The following ST8SIA6 variants were observed in gnomAD, a reference collection of about 807,000 sequenced individuals.
The protein encoded by ST8SIA6 is ST8 alpha-N-acetyl-neuraminide alpha-2,8-sialyltransferase 6.
ST8SIA6 carries 39 observed loss-of-function variants against 33.6 expected under a neutral mutation model. The ratio of observed to expected loss-of-function variants is 1.16; its 90% CI spans 0.90 to 1.52. The LOEUF is 1.52. Ranked by LOEUF, ST8SIA6 falls within the 40% of genes most tolerant of loss-of-function variation. ST8SIA6 has a pLI of 0.00. For missense variants in ST8SIA6, 441 were observed against 443.8 expected, an observed-to-expected ratio of 0.99 and a Z score of 0.06; for synonymous variants, 172 against 167.2, an observed-to-expected ratio of 1.03 and a Z score of -0.22.
At position 17,357,229 on chromosome 10, in the gene ST8SIA6, G is replaced by A. The variant is rs149590282; in HGVS notation, c.377+2285C>T. On this transcript the variant is annotated intron_variant, in intron 4 of 7. Transcript: ENST00000377602. ...CAACCTCTGCCTCCTGAGTTCAAGC[G>A]ATTCTCCTGCCTCAGCCTCCTGAGT... Among the ~76,000 whole-genome samples the A allele has an allele frequency of 1.6e-4, 25 of 151,724 alleles. 1 individual carries two copies. In the East Asian group the frequency reaches 4.5e-3, roughly 27 times the overall value.
intron 2 of ST8SIA6, chr10:17,403,502 A>G (rs1851128530): frequency 1.3e-5 from 2 of 152,026 alleles, no homozygotes; most frequent in Non-Finnish European, 2.9e-5. Context: ...ATATTCTCTT[A>G]CTCTAGGCTG....
chr10:17,422,913 T>G (rs1851822381), intron 2 of ST8SIA6, among the ~76,000 whole-genome samples: 1 of 152,226 alleles, frequency 6.6e-6, no homozygotes, highest in African/African-American at 2.4e-5. Context: ...TAGAAATTAT[T>G]GAACAATACG....
chr10:17,324,819 A>T (rs888399305), intron 6 of ST8SIA6, among the ~76,000 whole-genome samples: 2 of 147,148 alleles, frequency 1.4e-5, no homozygotes, highest in South Asian at 4.2e-4. Context: ...ACATGCATAC[A>T]TATTATAGAT....
intron 4 of ST8SIA6, among the ~76,000 whole-genome samples, chr10:17,345,404 C>G (rs1009676084): frequency 2.6e-5 from 4 of 152,150 alleles, no homozygotes; most frequent in African/African-American, 9.7e-5. Flanking sequence ...GTCAAGAGCA[C>G]GTTGGAAGGT....
chr10:17,371,468 AC>A (rs1188735864), intron 3 of ST8SIA6, among the ~76,000 whole-genome samples: 1 of 151,882 alleles, frequency 6.6e-6, no homozygotes, highest in Non-Finnish European at 1.5e-5. Flanking sequence ...AAATAAGGAG[AC>A]GTGAGAAGGA....
In ST8SIA6 at chr10:17,383,129, T is replaced by C. The variant is rs142015139; in HGVS notation, c.290+7402A>G. On this transcript the variant is annotated intron_variant, in intron 3 of 7. Transcript: ENST00000377602. ...CACAAAGAATGAAGGTTTTCACTTT[T>C]TTTTTTTAATACTTGAATTATCACT... 9.1e-4 allele frequency among the ~76,000 whole-genome samples: 138 copies of C among 152,152 alleles called. No individual in the cohort carries two copies. In the East Asian group the frequency reaches 0.016, roughly 18 times the overall value.
chr10:17,361,511 C>T (rs1437841490), intron 3 of ST8SIA6, among the ~76,000 whole-genome samples: 8 of 100,534 alleles, frequency 8.0e-5, no homozygotes, highest in African/African-American at 3.7e-4. Flanking sequence ...AAAATTCTTC[C>T]TACAAAACAC....
chr10:17,333,717 A>ATATATATT (rs1251981910), intron 4 of ST8SIA6, among the ~76,000 whole-genome samples: 6 of 33,764 alleles, frequency 1.8e-4, no homozygotes, highest in Non-Finnish European at 2.8e-4. Flanking sequence ...ATATATATAT[A>ATATATATT]TTTTTTTTTT....
intron 3 of ST8SIA6, among the ~76,000 whole-genome samples, chr10:17,366,974 T>C (rs1398018228): frequency 6.6e-6 from 1 of 152,194 alleles, no homozygotes; most frequent in Non-Finnish European, 1.5e-5. Context: ...TAGATCTGAA[T>C]GATCAGCCAA....
At position 17,315,805 on chromosome 10, in the gene ST8SIA6, T is replaced by A. The variant is rs140135580; in HGVS notation, c.*5073A>T. Among the ~76,000 whole-genome samples the A allele has an allele frequency of 1.3e-5, 2 of 152,034 alleles. No individual in the cohort carries two copies. Among genetic ancestry groups the A allele is most frequent in the East Asian group, 3.9e-4 (2 of 5,184 alleles). On this transcript the variant is annotated 3_prime_UTR_variant, in exon 8 of 8. Coordinates refer to ENST00000377602, the MANE Select transcript of ST8SIA6 (RefSeq NM_001004470.3). ...AGCACAAGAAAACATTTTGGGGTAA[T>A]GAATATATACATTGTCTTAATTGGA... is the stretch of plus-strand genomic sequence containing the variant.
At chr10:17,377,608 A>G (rs1355938414) in intron 3 of ST8SIA6, among the ~76,000 whole-genome samples, 1 of 152,230 alleles carries the variant, frequency 6.6e-6, no homozygotes, top group Non-Finnish European at 1.5e-5. Flanking sequence ...AAAAGACCCT[A>G]TCCCACTTGT....
chr10:17,411,642 T>C (rs1240280283), intron 2 of ST8SIA6, among the ~76,000 whole-genome samples: 1 of 152,280 alleles, frequency 6.6e-6, no homozygotes, highest in Non-Finnish European at 1.5e-5. Flanking sequence ...GATTTTCTTT[T>C]GCTTTGCTGT....
intron 5 of ST8SIA6, among the ~76,000 whole-genome samples, chr10:17,329,026 C>T (rs1848219615): frequency 6.6e-6 from 1 of 152,184 alleles, no homozygotes; most frequent in Non-Finnish European, 1.5e-5. Flanking sequence ...CGATGTGGTT[C>T]TGAGCAGTCC....
intron 2 of ST8SIA6, among the ~76,000 whole-genome samples, chr10:17,425,602 A>G (rs762321179): frequency 2.7e-5 from 4 of 147,344 alleles, no homozygotes; most frequent in Non-Finnish European, 1.5e-5. Flanking sequence ...GGAAGGAAGG[A>G]GAAAGAAAGA....
At chr10:17,348,702 C>G (rs78868296) in intron 4 of ST8SIA6, among the ~76,000 whole-genome samples, 3 of 152,276 alleles carry the variant, frequency 2.0e-5, no homozygotes, top group African/African-American at 7.2e-5. Context: ...TCATCATCTT[C>G]CGCTTTTTGG....
At chr10:17,437,757 T>G (rs1396959816) in intron 2 of ST8SIA6, among the ~76,000 whole-genome samples, 2 of 150,384 alleles carry the variant, frequency 1.3e-5, no homozygotes, top group East Asian at 4.0e-4. Context: ...TCTCTTCCTT[T>G]CTTTCTTCTG....
chr10:17,423,193 A>G (rs1426741216), intron 2 of ST8SIA6, among the ~76,000 whole-genome samples: 1 of 152,218 alleles, frequency 6.6e-6, no homozygotes, highest in Admixed American at 6.5e-5. Flanking sequence ...CAGCTATCCC[A>G]GAAATTCCAA....
At chr10:17,358,363 T>TA (rs1285020011) in intron 4 of ST8SIA6, among the ~76,000 whole-genome samples, 2 of 152,046 alleles carry the variant, frequency 1.3e-5, no homozygotes, top group Non-Finnish European at 2.9e-5. Context: ...CCTTCCCACA[T>TA]AAAAAAAGAG....
At chr10:17,356,000 A>G (rs1396848537) in intron 4 of ST8SIA6, among the ~76,000 whole-genome samples, 1 of 152,190 alleles carries the variant, frequency 6.6e-6, no homozygotes, top group Non-Finnish European at 1.5e-5. Context: ...TCAAAAAACT[A>G]TATCCCACAG....
Sources: gnomAD v4.1 joint callset for allele counts (sites outside exome capture counted in the v4.1 genomes callset) on GRCh38, gnomAD v4.1.1 for gene constraint, MANE v1.5 for transcripts, NCBI Gene and HGNC (gene_info 2026-07-23, HGNC 2026-07-21) for gene names.